CLOCK: variants seen among roughly 807,000 people sequenced by gnomAD.
The protein encoded by CLOCK is clock circadian regulator.
In CLOCK, 43 loss-of-function variants were observed where a neutral mutation model predicts 118.4. The ratio of observed to expected loss-of-function variants is 0.36; its 90% CI spans 0.28 to 0.47. The LOEUF (loss-of-function observed/expected upper bound fraction) is 0.47, where lower values mean the gene tolerates loss of function less well. Ranked by LOEUF, CLOCK falls within the 20% of genes least tolerant of loss-of-function variation. The pLI, the probability that CLOCK is intolerant of heterozygous loss-of-function variation, is 1.00. For synonymous variants in CLOCK, 326 were observed against 339.2 expected (o/e 0.96, Z 0.43); for missense variants, 846 against 999.9 (o/e 0.85, Z 2.08).
chr4:55,539,923 T>C (rs1042650008), intron 1 of CLOCK, among the ~76,000 whole-genome samples: 2 of 151,952 alleles, frequency 1.3e-5, no homozygotes, highest in African/African-American at 2.4e-5. Context: ...ACTTATGTAA[T>C]GGCTCAACAA....
At chr4:55,450,375 A>C in intron 15 of CLOCK, 143 bp from the exon 16 acceptor site, 1 of 890,480 alleles carries the variant, frequency 1.1e-6, no homozygotes, top group Non-Finnish European at 1.8e-6. Context: ...CATGTAAAGA[A>C]ATGAAAATTT....
chr4:55,536,681 T>C (rs1204278439), intron 1 of CLOCK, among the ~76,000 whole-genome samples: 1 of 152,152 alleles, frequency 6.6e-6, no homozygotes, highest in African/African-American at 2.4e-5. Flanking sequence ...CTTTATAAAT[T>C]ACCCAGTCTC....
intron 8 of CLOCK, among the ~76,000 whole-genome samples, chr4:55,470,032 G>GT (rs1726021325): frequency 6.6e-6 from 1 of 152,150 alleles, no homozygotes; most frequent in African/African-American, 2.4e-5. Context: ...AGTTTACACA[G>GT]TAAAAAAGTT....
At chr4:55,459,308 A>C (rs764113542) in intron 9 of CLOCK, 47 bp from the exon 10 acceptor site, 44 of 1,072,968 alleles carry the variant, frequency 4.1e-5, no homozygotes, top group Non-Finnish European at 5.3e-5. Flanking sequence ...GATATAAAAC[A>C]ATGATTGATA....
Position 55,429,908 on chromosome 4 carries a change from A to G in CLOCK, c.*5507T>C, listed in dbSNP as rs2109587740. ...CCACTGCCGTCCTGAAGTAAAGTAGATTCAGACTGTCCGTAAAGATTATCA... is the reference window on the plus strand; with the variant it reads ...CCACTGCCGTCCTGAAGTAAAGTAGGTTCAGACTGTCCGTAAAGATTATCA... On this transcript the variant is annotated 3_prime_UTR_variant, in exon 23 of 23. Coordinates refer to ENST00000513440, the MANE Select transcript of CLOCK (RefSeq NM_004898.4). 2 of 152,298 alleles carry G rather than the reference A, an allele frequency of 1.3e-5. No homozygotes were observed. The highest frequency in any genetic ancestry group is 4.1e-4 in the South Asian group (2 of 4,832). The allele number at this position is 152,298 out of a possible 1,614,324, so 9.4% of individuals were successfully genotyped here.
intron 2 of CLOCK, among the ~76,000 whole-genome samples, chr4:55,499,981 T>C (rs964253256): frequency 2.0e-5 from 3 of 152,148 alleles, no homozygotes; most frequent in Admixed American, 6.5e-5. Flanking sequence ...GGCTTTCTTC[T>C]TGGGATTTTA....
intron 9 of CLOCK, among the ~76,000 whole-genome samples, chr4:55,462,568 C>T (rs951822191): frequency 2.8e-4 from 43 of 152,256 alleles, no homozygotes; most frequent in Middle Eastern, 6.8e-3. Context: ...CATGAGCTAC[C>T]GGGCCTGGCT....
At position 55,431,098 on chromosome 4, in the gene CLOCK, G is replaced by T. The variant is rs1029897372; in HGVS notation, c.*4317C>A. The T allele has an allele frequency of 4.6e-5, 7 of 152,116 alleles. No individual in the cohort carries two copies. The highest frequency in any genetic ancestry group is 7.2e-5 in the African/African-American group (3 of 41,410). 9.4% of individuals were successfully genotyped at this position (152,116 alleles called of 1,614,324 possible). ...ATAAACTTTATCAAAATGAGTAATT[G>T]CAATAAAGTGCTTGTTACATTTCAA... is the stretch of plus-strand genomic sequence containing the variant. On this transcript the variant is annotated 3_prime_UTR_variant, in exon 23 of 23. Coordinates refer to ENST00000513440, the MANE Select transcript of CLOCK (RefSeq NM_004898.4).
chr4:55,506,831 G>T (rs1728831680), intron 2 of CLOCK, among the ~76,000 whole-genome samples: 1 of 152,194 alleles, frequency 6.6e-6, no homozygotes, highest in Non-Finnish European at 1.5e-5. Context: ...AAAGTGCTGG[G>T]ATTACAGGCG....
chr4:55,512,101 C>T (rs544067960), intron 1 of CLOCK, among the ~76,000 whole-genome samples: 7 of 151,960 alleles, frequency 4.6e-5, no homozygotes, highest in African/African-American at 1.4e-4. Context: ...TAGAAACTGT[C>T]AATTCTTTGG....
At chr4:55,533,507 A>G (rs1256697016) in intron 1 of CLOCK, among the ~76,000 whole-genome samples, 4 of 152,242 alleles carry the variant, frequency 2.6e-5, no homozygotes, top group Non-Finnish European at 5.9e-5. Context: ...AACACTTTTT[A>G]ATTAAGTATT....
intron 1 of CLOCK, among the ~76,000 whole-genome samples, chr4:55,515,362 T>G (rs1053747175): frequency 2.6e-5 from 4 of 152,180 alleles, no homozygotes; most frequent in African/African-American, 7.2e-5. Context: ...GATTTCTTAT[T>G]TTCCATTTCA....
intron 1 of CLOCK, among the ~76,000 whole-genome samples, chr4:55,527,476 G>A (rs895877507): frequency 2.6e-5 from 4 of 151,990 alleles, no homozygotes; most frequent in African/African-American, 9.7e-5. Context: ...TATCAAAGGT[G>A]ATCTACAAAC....
At chr4:55,546,042 G>A (rs1049028688) in intron 1 of CLOCK, 9 of 152,314 alleles carry the variant, frequency 5.9e-5, no homozygotes, top group African/African-American at 2.2e-4. Flanking sequence ...GCGGCACGCG[G>A]GCCGGGCGCC....
At chr4:55,453,333 A>C in intron 14 of CLOCK, 1 of 540,982 alleles carries the variant, frequency 1.8e-6, no homozygotes, top group South Asian at 3.0e-5. Flanking sequence ...CACTGCTGTA[A>C]ACGATCCATA....
Position 55,458,774 on chromosome 4 carries a change from T to C in CLOCK, c.792+118A>G. 5 of 708,672 alleles carry C rather than the reference T, an allele frequency of 7.1e-6. 1 individual carries two copies. The South Asian group carries it at 7.9e-5, about 11-fold the overall frequency. 43.9% of individuals were successfully genotyped at this position (708,672 alleles called of 1,614,324 possible). ...TCTTGATAACTCATCGTTTCAAAAA[T>C]ATTATCATGCATATTTAATGACTCA... On this transcript the variant is annotated intron_variant, in intron 11 of 22. Coordinates refer to ENST00000513440, the MANE Select transcript of CLOCK (RefSeq NM_004898.4).
chr4:55,475,596 C>T (rs1726457951), intron 7 of CLOCK, among the ~76,000 whole-genome samples: 2 of 151,890 alleles, frequency 1.3e-5, no homozygotes, highest in South Asian at 2.1e-4. Context: ...AAGAAATTGC[C>T]GTAGCCACCC....
chr4:55,452,892 C>A lies in CLOCK; in HGVS notation c.1206+162G>T, dbSNP rs2109768847. 7 of 555,160 alleles carry A rather than the reference C, an allele frequency of 1.3e-5. No homozygotes were observed. In the South Asian group the frequency reaches 1.8e-4, roughly 14 times the overall value. 34.4% of individuals were successfully genotyped at this position (555,160 alleles called of 1,614,324 possible). A position where few individuals can be genotyped will look rare whatever the true frequency, so the allele number is the denominator to read the frequency against. ...TTTCTTTTTAGAGGCAGGTGAGACT[C>A]TAAAATATTAAATTAAAAATAAGTA... On this transcript the variant is annotated intron_variant, in intron 15 of 22. Transcript: ENST00000513440.
At chr4:55,465,344 A>T (rs1725663864) in intron 8 of CLOCK, among the ~76,000 whole-genome samples, 1 of 152,188 alleles carries the variant, frequency 6.6e-6, no homozygotes, top group Admixed American at 6.5e-5. Context: ...GGATTTTGGT[A>T]TCTGCAGCGG....
Sources: gnomAD v4.1 joint callset for allele counts (sites outside exome capture counted in the v4.1 genomes callset) on GRCh38, gnomAD v4.1.1 for gene constraint, MANE v1.5 for transcripts, NCBI Gene and HGNC (gene_info 2026-07-23, HGNC 2026-07-21) for gene names.